The following ZNF502 variants were observed in gnomAD, a reference collection of about 807,000 sequenced individuals.
ZNF502 encodes zinc finger protein 502.
ZNF502 carries 29 observed loss-of-function variants against 43.6 expected under a neutral mutation model. The observed-to-expected ratio is 0.67, with a 90% CI of 0.50 to 0.91. The LOEUF (loss-of-function observed/expected upper bound fraction) is 0.91. ZNF502 is among the 40% of genes least tolerant of loss of function. The probability of loss-of-function intolerance (pLI) is 0.00; values close to 1 mark genes in which losing one functional copy is unlikely to be tolerated. For missense variants in ZNF502, 591 were observed against 647.2 expected (o/e 0.91, Z 0.94); for synonymous variants, 171 against 207.4 (o/e 0.82, Z 1.51).
chr3:44,722,204 T>G lies in ZNF502; in HGVS notation c.1387T>G (p.Tyr463Asp). The G allele has an allele frequency of 6.2e-7, 1 of 1,614,186 alleles. No homozygotes were observed. The highest frequency in any genetic ancestry group is 8.5e-7 in the Non-Finnish European group (1 of 1,180,042). Reference sequence around the variant, plus strand: ...GAGAATTCATACTGGAGAGAAGCCCTATAAATGTAAAGAATGTGGGAAAGC... The same window carrying G: ...GAGAATTCATACTGGAGAGAAGCCCGATAAATGTAAAGAATGTGGGAAAGC... ...HMRIHTGEKP[Y>D]KCKECGKAFA... Residue 463 changes from tyrosine (Y) to aspartate (D), a missense_variant, in exon 3 of 3, where the codon TAT becomes GAT. Tyr to Asp is a radical substitution (Grantham distance 160). Transcript: ENST00000436624.
rs771108951 is a variant in ZNF502 at position 44,721,755 on chromosome 3, A to G, written c.938A>G (p.His313Arg). ...CGAAAACACTCAAATCTTACGCAAC[A>G]TCAGAGAATTCACACTGGGGAAAAA... ...SFRKHSNLTQHQRIHTGEKPH... is the reference protein window; with the variant it reads ...SFRKHSNLTQRQRIHTGEKPH... Residue 313 changes from histidine to arginine, a missense_variant, in exon 3 of 3, where the codon CAT (histidine) becomes CGT (arginine). His to Arg is a conservative substitution (Grantham distance 29). Coordinates refer to ENST00000436624, the MANE Select transcript of ZNF502 (RefSeq NM_001134442.3). 1 of 1,613,376 alleles carries G rather than the reference A, an allele frequency of 6.2e-7. No homozygotes were observed. The highest frequency in any genetic ancestry group is 1.3e-5 in the African/African-American group (1 of 74,892).
intron 2 of ZNF502, among the ~76,000 whole-genome samples, 170 bp from the exon 3 acceptor site, chr3:44,720,703 A>C (rs1382186483): frequency 6.6e-6 from 1 of 152,102 alleles, no homozygotes; most frequent in Admixed American, 6.6e-5. Flanking sequence ...ACATTACCCT[A>C]ATGCATATCT....
Position 44,721,588 on chromosome 3 carries a change from C to G in ZNF502, c.771C>G (p.His257Gln). 6.2e-7 allele frequency: 1 copy of G among 1,613,386 alleles called. No individual in the cohort carries two copies. Among genetic ancestry groups the G allele is most frequent in the Non-Finnish European group, 8.5e-7 (1 of 1,179,588 alleles). ...SFRNHSHLTEHQRIHTGEKPY... is the reference protein window; with the variant it reads ...SFRNHSHLTEQQRIHTGEKPY... ...GCAATCACTCACATCTCACTGAACA[C>G]CAGAGAATTCACACTGGAGAGAAAC... Residue 257 changes from histidine to glutamine, a missense_variant, in exon 3 of 3, where the codon CAC (histidine) becomes CAG (glutamine). By Grantham distance (24) the His-to-Gln change is conservative. Coordinates refer to ENST00000436624, the MANE Select transcript of ZNF502 (RefSeq NM_001134442.3).
At chr3:44,715,043 G>A (rs567385443) in intron 1 of ZNF502, among the ~76,000 whole-genome samples, 1 of 152,268 alleles carries the variant, frequency 6.6e-6, no homozygotes, top group East Asian at 1.9e-4. Context: ...AGTAATATAT[G>A]TTTATTGAAG....
At position 44,722,484 on chromosome 3, in the gene ZNF502, G is replaced by A. The variant is rs760282887; in HGVS notation, c.*32G>A. On this transcript the variant is annotated 3_prime_UTR_variant, in exon 3 of 3. Transcript: ENST00000436624. Reference sequence around the variant, plus strand: ...CATTTAGGTTATGACAGTTTCTCTAGCGAGGATGACTACGAATCTGACTGG... The same window carrying A: ...CATTTAGGTTATGACAGTTTCTCTAACGAGGATGACTACGAATCTGACTGG... 1.9e-6 allele frequency: 3 copies of A among 1,573,960 alleles called. No individual in the cohort carries two copies. Among genetic ancestry groups the A allele is most frequent in the Admixed American group, 3.5e-5 (2 of 57,078 alleles).
Position 44,721,185 on chromosome 3 carries a change from AAG to A in ZNF502, c.373_374del (p.Leu126AlafsTer7). 6.2e-7 allele frequency: 1 copy of A among 1,614,156 alleles called. No homozygotes were observed. Among genetic ancestry groups the A allele is most frequent in the Middle Eastern group, 1.6e-4 (1 of 6,062 alleles). On this transcript the variant is annotated frameshift_variant, in exon 3 of 3. Transcript: ENST00000436624. LOFTEE classifies it high-confidence loss of function. ...GTTACACGTCTCAGGGTTTCTACAG[AAG>A]AGAGTCTGCATCAGTGGGAAACAAG...
At chr3:44,720,801 T>A (rs1704293508) in intron 2 of ZNF502, 72 bp from the exon 3 acceptor site, 2 of 1,517,542 alleles carry the variant, frequency 1.3e-6, no homozygotes. Flanking sequence ...TGCCAAAAGT[T>A]AAGGTCTTAC....
Position 44,721,319 on chromosome 3 carries a change from T to C in ZNF502, c.502T>C (p.Ser168Pro). 1 of 1,614,104 alleles carries C rather than the reference T, an allele frequency of 6.2e-7. No homozygotes were observed. The highest frequency in any genetic ancestry group is 8.5e-7 in the Non-Finnish European group (1 of 1,179,976). ...NECGKTFTQS[S>P]SLTQHQRTHT... is the part of the protein sequence containing the mutation. ...ATGTGGAAAAACCTTTACTCAGAGC[T>C]CATCCCTTACCCAACATCAGAGAAC... The change falls in exon 3 of 3, where the codon TCA becomes CCA. Residue 168 changes from serine (S) to proline (P), a missense_variant. Coordinates refer to ENST00000436624, the MANE Select transcript of ZNF502 (RefSeq NM_001134442.3).
In ZNF502 at chr3:44,722,239, T is replaced by C. The variant is rs375172649; in HGVS notation, c.1422T>C (p.His474=). 21 of 1,614,166 alleles carry C rather than the reference T, an allele frequency of 1.3e-5. No individual in the cohort carries two copies. The Admixed American group carries it at 3.2e-4, about 24-fold the overall frequency. ...KCKECGKAFA[H]SSSLTEHHRT... is the part of the protein sequence containing the mutation. The stretch of plus-strand genomic sequence containing the variant: ...AAGAATGTGGGAAAGCCTTTGCTCA[T>C]AGCTCATCTCTTACTGAACATCATA... Residue 474 remains histidine (H), a synonymous_variant, in exon 3 of 3, where the codon CAT becomes CAC. Transcript: ENST00000436624.
In ZNF502 at chr3:44,722,796, C is replaced by T. The variant is rs1422264081; in HGVS notation, c.*344C>T. 2.3e-5 allele frequency: 5 copies of T among 220,620 alleles called. No homozygotes were observed. Among genetic ancestry groups the T allele is most frequent in the South Asian group, 1.0e-4 (1 of 9,578 alleles). The allele number at this position is 220,620 out of a possible 1,614,324, so 13.7% of individuals were successfully genotyped here. On this transcript the variant is annotated 3_prime_UTR_variant, in exon 3 of 3. Transcript: ENST00000436624. ...CACATTCTGACTTGTCACCCATTTT[C>T]GTTGGCTGGCAGGTTGAGATGTTTT...
Position 44,723,303 on chromosome 3 carries a change from C to T in ZNF502, c.*851C>T, listed in dbSNP as rs1704417858. 6.6e-6 allele frequency: 1 copy of T among 152,236 alleles called. No individual in the cohort carries two copies. Among genetic ancestry groups the T allele is most frequent in the South Asian group, 2.1e-4 (1 of 4,832 alleles). The allele number at this position is 152,236 out of a possible 1,614,324, so 9.4% of individuals were successfully genotyped here. A position where few individuals can be genotyped will look rare whatever the true frequency, so the allele number is the denominator to read the frequency against. ...AGTGATAAGACTCAGAACAGGAAGCCTGCATGTGACTGAGCAAGTCACCTA... is the reference window on the plus strand; with the variant it reads ...AGTGATAAGACTCAGAACAGGAAGCTTGCATGTGACTGAGCAAGTCACCTA... On this transcript the variant is annotated 3_prime_UTR_variant, in exon 3 of 3. Coordinates refer to ENST00000436624, the MANE Select transcript of ZNF502 (RefSeq NM_001134442.3).
rs1329108786 is a variant in ZNF502 at position 44,723,812 on chromosome 3, A to G, written c.*1360A>G. The G allele has an allele frequency of 2.0e-5, 3 of 150,406 alleles. No homozygotes were observed. The highest frequency in any genetic ancestry group is 6.6e-5 in the Admixed American group (1 of 15,128). 9.3% of individuals were successfully genotyped at this position (150,406 alleles called of 1,614,324 possible). ...CATTTTTAAAGTATGGCTATTAAAA[A>G]CACTAAGTTGATTCTGGAATGCTTG... On this transcript the variant is annotated 3_prime_UTR_variant, in exon 3 of 3. Transcript: ENST00000436624.
rs752112183 is a variant in ZNF502, at chr3:44,720,899, C to G, written c.82C>G (p.Leu28Val). The change falls in exon 3 of 3, where the codon CTG becomes GTG. Residue 28 changes from leucine to valine, a missense_variant. Leu to Val is a conservative substitution (Grantham distance 32, BLOSUM62 1). Coordinates refer to ENST00000436624, the MANE Select transcript of ZNF502 (RefSeq NM_001134442.3). ...PGWVNKNKPALEQDVCKIDSS... is the reference protein window; with the variant it reads ...PGWVNKNKPAVEQDVCKIDSS... Reference sequence around the variant, plus strand: ...CTGGGTAAACAAGAACAAGCCTGCTCTGGAGCAGGATGTCTGTAAAATTGA... The same window carrying G: ...CTGGGTAAACAAGAACAAGCCTGCTGTGGAGCAGGATGTCTGTAAAATTGA... 5 of 1,613,258 alleles carry G rather than the reference C, an allele frequency of 3.1e-6. No homozygotes were observed. The East Asian group carries it at 6.7e-5, about 22-fold the overall frequency.
rs1381199215 is a variant in ZNF502 at position 44,721,341 on chromosome 3, G to T, written c.524G>T (p.Arg175Ile). ...AGCTCATCCCTTACCCAACATCAGA[G>T]AACTCATACTGGAGAGAGACCCTAC... ...TQSSSLTQHQ[R>I]THTGERPYTC... is the part of the protein sequence containing the mutation. Residue 175 changes from arginine (R) to isoleucine (I), a missense_variant, in exon 3 of 3, where the codon AGA becomes ATA. Arg to Ile is a moderately conservative substitution (Grantham distance 97, BLOSUM62 -3). Coordinates refer to ENST00000436624, the MANE Select transcript of ZNF502 (RefSeq NM_001134442.3). The T allele has an allele frequency of 6.2e-7, 1 of 1,614,130 alleles. No individual in the cohort carries two copies. Among genetic ancestry groups the T allele is most frequent in the South Asian group, 1.1e-5 (1 of 91,076 alleles).
chr3:44,722,485 C>T lies in ZNF502; in HGVS notation c.*33C>T, dbSNP rs755351616. 21 of 1,572,128 alleles carry T rather than the reference C, an allele frequency of 1.3e-5. No homozygotes were observed. The highest frequency in any genetic ancestry group is 1.5e-5 in the Non-Finnish European group (18 of 1,163,088). On this transcript the variant is annotated 3_prime_UTR_variant, in exon 3 of 3. Transcript: ENST00000436624. Reference sequence around the variant, plus strand: ...ATTTAGGTTATGACAGTTTCTCTAGCGAGGATGACTACGAATCTGACTGGG... The same window carrying T: ...ATTTAGGTTATGACAGTTTCTCTAGTGAGGATGACTACGAATCTGACTGGG...
intron 1 of ZNF502, 40 bp downstream of exon 1, chr3:44,712,780 C>T (rs1575536179): frequency 6.6e-6 from 1 of 152,350 alleles, no homozygotes; most frequent in African/African-American, 2.4e-5. Context: ...AAGAGAGGAC[C>T]CCGGCGAGCC....
intron 1 of ZNF502, among the ~76,000 whole-genome samples, chr3:44,718,975 CTTTT>C (rs55847151): frequency 1.5e-5 from 2 of 136,914 alleles, no homozygotes; most frequent in Admixed American, 7.3e-5. Context: ...GGATCATCTT[CTTTT>C]TTTTTTTTTT....
chr3:44,714,515 G>A (rs1704096655), intron 1 of ZNF502: 1 of 152,118 alleles, frequency 6.6e-6, no homozygotes, highest in South Asian at 2.1e-4. Context: ...AGGCAAAGTT[G>A]AATAGTTGAG....
chr3:44,721,966 AT>A lies in ZNF502; in HGVS notation c.1150del (p.Cys384ValfsTer71). On this transcript the variant is annotated frameshift_variant, in exon 3 of 3. Coordinates refer to ENST00000436624, the MANE Select transcript of ZNF502 (RefSeq NM_001134442.3). LOFTEE classifies it high-confidence loss of function. ...GAGAAAAACCATATAAGTGTAAAGA[AT>A]GTGGCAAAGCGTTTACTCAGAGCAC... Reference protein sequence around the residue: ...TGEKPYKCKECGKAFTQSTPL... With the variant: ...TGEKPYKCKEXGKAFTQSTPL... The A allele has an allele frequency of 6.2e-7, 1 of 1,614,192 alleles. No homozygotes were observed.
Sources: gnomAD v4.1 joint callset for allele counts (sites outside exome capture counted in the v4.1 genomes callset) on GRCh38, gnomAD v4.1.1 for gene constraint, MANE v1.5 for transcripts, NCBI Gene and HGNC (gene_info 2026-07-23, HGNC 2026-07-21) for gene names.